ALG11: variants seen among roughly 807,000 people sequenced by gnomAD.
ALG11 encodes the protein GDP-Man:Man(3)GlcNAc(2)-PP-Dol alpha-1,2-mannosyltransferase.
Under a neutral mutation model 38.8 loss-of-function variants are expected in ALG11, and 26 were observed. That is an observed-to-expected ratio of 0.67 (90% CI 0.49 to 0.93). The LOEUF (loss-of-function observed/expected upper bound fraction) is 0.93, where lower values mean the gene tolerates loss of function less well. Ranked by LOEUF, ALG11 falls within the 40% of genes least tolerant of loss-of-function variation. ALG11 has a pLI of 0.00. For missense variants in ALG11, 535 were observed against 578.8 expected, an observed-to-expected ratio of 0.92 and a Z score of 0.78; for synonymous variants, 199 against 211.6, an observed-to-expected ratio of 0.94 and a Z score of 0.52.
At position 52,018,792 on chromosome 13, in the gene ALG11, G is replaced by A. The variant is rs192248956; in HGVS notation, c.45-121G>A. ...ACTTGAGTATTTTGTTAGCAGACTCGTTAAAGACAATTCTCTCTTTGTTAC... is the reference window on the plus strand; with the variant it reads ...ACTTGAGTATTTTGTTAGCAGACTCATTAAAGACAATTCTCTCTTTGTTAC... On this transcript the variant is annotated intron_variant, in intron 1 of 3. Transcript: ENST00000521508. The A allele has an allele frequency of 6.6e-3, 5,542 of 845,064 alleles. 21 individuals carry two copies. Among genetic ancestry groups the A allele is most frequent in the Non-Finnish European group, 7.8e-3 (4,130 of 528,554 alleles). 52.3% of individuals were successfully genotyped at this position (845,064 alleles called of 1,614,324 possible). A position where few individuals can be genotyped will look rare whatever the true frequency, so the allele number is the denominator to read the frequency against.
At position 52,018,949 on chromosome 13, in the gene ALG11, A is replaced by G. The variant is rs770202989; in HGVS notation, c.81A>G (p.Val27=). ...CATTATTCTTCCCTGGGCTCATTGTATGTGGAACTTTATGTGTGTGTTTGG... is the reference window on the plus strand; with the variant it reads ...CATTATTCTTCCCTGGGCTCATTGTGTGTGGAACTTTATGTGTGTGTTTGG... ...FYSLFFPGLI[V]CGTLCVCLVI... Residue 27 remains valine (V), a synonymous_variant, in exon 2 of 4, where the codon GTA becomes GTG. Transcript: ENST00000521508. The G allele has an allele frequency of 6.2e-7, 1 of 1,613,964 alleles. No homozygotes were observed. The highest frequency in any genetic ancestry group is 2.2e-5 in the East Asian group (1 of 44,854).
chr13:52,014,213 A>G (rs1007598282), intron 1 of ALG11, among the ~76,000 whole-genome samples: 8 of 152,236 alleles, frequency 5.3e-5, no homozygotes, highest in Middle Eastern at 3.2e-3. Context: ...GCAGAAACAG[A>G]AAGGAGGAGC....
Position 52,032,181 on chromosome 13 carries a change from C to T in ALG11, c.*3591C>T, listed in dbSNP as rs1405865697. 1 of 154,038 alleles carries T rather than the reference C, an allele frequency of 6.5e-6. No homozygotes were observed. The highest frequency in any genetic ancestry group is 1.9e-4 in the East Asian group (1 of 5,194). The allele number at this position is 154,038 out of a possible 1,614,324, so 9.5% of individuals were successfully genotyped here. On this transcript the variant is annotated 3_prime_UTR_variant, in exon 4 of 4. Transcript: ENST00000521508. ...AGGTTGCAGTGAGCCAAGATTGTGC[C>T]ACTGCACTCTAGCCTGGGCAATAAG...
rs1306042935 is a variant in ALG11 at position 52,028,759 on chromosome 13, C to T, written c.*169C>T. 1 of 1,613,574 alleles carries T rather than the reference C, an allele frequency of 6.2e-7. No individual in the cohort carries two copies. Among genetic ancestry groups the T allele is most frequent in the East Asian group, 2.2e-5 (1 of 44,872 alleles). ...GTTGAAAAGAAAATGGATGACTAGC[C>T]TTCGGCTTCCATTCTTGGTATACAT... On this transcript the variant is annotated 3_prime_UTR_variant, in exon 4 of 4. Transcript: ENST00000521508.
intron 1 of ALG11, chr13:52,017,716 C>G (rs1212922271): frequency 6.5e-6 from 1 of 153,778 alleles, no homozygotes; most frequent in Non-Finnish European, 1.4e-5. Context: ...TTTTGTTCCC[C>G]GTTTTGGGTA....
Position 52,032,594 on chromosome 13 carries a change from G to A in ALG11, c.*4004G>A, listed in dbSNP as rs1954316566. 1.2e-5 allele frequency: 2 copies of A among 167,090 alleles called. No individual in the cohort carries two copies. Among genetic ancestry groups the A allele is most frequent in the East Asian group, 3.9e-4 (2 of 5,194 alleles). The allele number at this position is 167,090 out of a possible 1,614,324, so 10.4% of individuals were successfully genotyped here. On this transcript the variant is annotated 3_prime_UTR_variant, in exon 4 of 4. Coordinates refer to ENST00000521508, the MANE Select transcript of ALG11 (RefSeq NM_001004127.3). Reference sequence around the variant, plus strand: ...CTCCTCTCAGTCATTCATCAATGTGGCCAGCTTATCTACTCCCAATTATGT... The same window carrying A: ...CTCCTCTCAGTCATTCATCAATGTGACCAGCTTATCTACTCCCAATTATGT...
At chr13:52,017,439 CA>C (rs1380004476) in intron 1 of ALG11, 3 of 152,516 alleles carry the variant, frequency 2.0e-5, no homozygotes, top group African/African-American at 7.2e-5. Context: ...ACCCAAATCT[CA>C]GTTTGAATTG....
chr13:52,018,177 C>T (rs952432109), intron 1 of ALG11, among the ~76,000 whole-genome samples: 5 of 152,214 alleles, frequency 3.3e-5, no homozygotes, highest in Admixed American at 3.3e-4. Context: ...TCGTACTTGG[C>T]ATTGGGGACA....
rs1954319043 is a variant in ALG11 at position 52,032,883 on chromosome 13, G to T, written c.*4293G>T. ...CAAAGCTGTTTCATGAAAGAATCAA[G>T]ATTATAACCTGGATATTCTGACTCC... On this transcript the variant is annotated 3_prime_UTR_variant, in exon 4 of 4. Coordinates refer to ENST00000521508, the MANE Select transcript of ALG11 (RefSeq NM_001004127.3). 1.2e-5 allele frequency: 2 copies of T among 166,974 alleles called. No homozygotes were observed. Among genetic ancestry groups the T allele is most frequent in the East Asian group, 3.8e-4 (2 of 5,196 alleles). 10.3% of individuals were successfully genotyped at this position (166,974 alleles called of 1,614,324 possible). A position where few individuals can be genotyped will look rare whatever the true frequency, so the allele number is the denominator to read the frequency against.
In ALG11 at chr13:52,029,654, A is replaced by G; in HGVS notation, c.*1064A>G. 2 of 1,614,222 alleles carry G rather than the reference A, an allele frequency of 1.2e-6. No homozygotes were observed. Among genetic ancestry groups the G allele is most frequent in the Non-Finnish European group, 1.7e-6 (2 of 1,180,040 alleles). On this transcript the variant is annotated 3_prime_UTR_variant, in exon 4 of 4. Coordinates refer to ENST00000521508, the MANE Select transcript of ALG11 (RefSeq NM_001004127.3). ...AACTGTGGCACTGGAAGAAATGGAA[A>G]AAATTGAAAATGCCAGAATGATGGA...
intron 1 of ALG11, among the ~76,000 whole-genome samples, chr13:52,012,929 GCTTATGTTGAATC>G (rs1304800489): frequency 6.6e-6 from 1 of 151,922 alleles, no homozygotes; most frequent in Non-Finnish European, 1.5e-5. Context: ...TAAATATAAA[GCTTATGTTGAATC>G]CTCTGCTTTT....
chr13:52,023,748 A>G (rs1276132120), intron 2 of ALG11: 4 of 214,386 alleles, frequency 1.9e-5, no homozygotes, highest in South Asian at 2.0e-4. Flanking sequence ...GCAGGAGTGC[A>G]GTGATGCAGT....
At position 52,030,761 on chromosome 13, in the gene ALG11, C is replaced by T; in HGVS notation, c.*2171C>T. The stretch of plus-strand genomic sequence containing the variant: ...AAGACGCCAGTTTCTCATTAAAGCC[C>T]CTGAGGGTCCTCCAAGAAAAGATAA... On this transcript the variant is annotated 3_prime_UTR_variant, in exon 4 of 4. Transcript: ENST00000521508. 1 of 1,614,214 alleles carries T rather than the reference C, an allele frequency of 6.2e-7. No homozygotes were observed. Among genetic ancestry groups the T allele is most frequent in the Middle Eastern group, 1.6e-4 (1 of 6,062 alleles).
chr13:52,018,324 T>A (rs1457928521), intron 1 of ALG11, among the ~76,000 whole-genome samples: 1 of 152,168 alleles, frequency 6.6e-6, no homozygotes, highest in Non-Finnish European at 1.5e-5. Flanking sequence ...TTTTGGCAGC[T>A]CATTCAGAGG....
intron 1 of ALG11, among the ~76,000 whole-genome samples, chr13:52,013,631 T>C (rs1466956802): frequency 6.6e-6 from 1 of 152,240 alleles, no homozygotes; most frequent in Non-Finnish European, 1.5e-5. Flanking sequence ...ACCTTTACAT[T>C]ATATGGGTCA....
rs76231456 is a variant in ALG11, at chr13:52,023,978, T to C, written c.276-28T>C. 107 of 1,608,964 alleles carry C rather than the reference T, an allele frequency of 6.7e-5. No homozygotes were observed. In the East Asian group the frequency reaches 2.3e-3, roughly 35 times the overall value. On this transcript the variant is annotated intron_variant, in intron 2 of 3. Transcript: ENST00000521508. ...TCTGGCTAATTTTTGTAACTTAATATATTCTTAACCATTACATTCTATTTT... is the reference window on the plus strand; with the variant it reads ...TCTGGCTAATTTTTGTAACTTAATACATTCTTAACCATTACATTCTATTTT...
chr13:52,025,398 C>T (rs986454758), intron 3 of ALG11, among the ~76,000 whole-genome samples: 6 of 152,180 alleles, frequency 3.9e-5, no homozygotes, highest in African/African-American at 1.4e-4. Context: ...TGGGCCCTAC[C>T]CTAATCCTAC....
In ALG11 at chr13:52,030,486, A is replaced by G; in HGVS notation, c.*1896A>G. On this transcript the variant is annotated 3_prime_UTR_variant, in exon 4 of 4. Transcript: ENST00000521508. The stretch of plus-strand genomic sequence containing the variant: ...AAGGAGCAACTGATCAACCTACAGA[A>G]CTTCCTGACCACACAGTCTCCTTCC... 1.9e-6 allele frequency: 3 copies of G among 1,614,224 alleles called. No homozygotes were observed. The highest frequency in any genetic ancestry group is 2.5e-6 in the Non-Finnish European group (3 of 1,180,034).
Position 52,028,925 on chromosome 13 carries a change from A to G in ALG11, c.*335A>G. On this transcript the variant is annotated 3_prime_UTR_variant, in exon 4 of 4. Transcript: ENST00000521508. ...TGAGGGGGACAGTGATGGAGAGAGA[A>G]AGCATCAAAAGCTTCTGGAAGCAAT... The G allele has an allele frequency of 1.2e-6, 2 of 1,614,222 alleles. No individual in the cohort carries two copies. The highest frequency in any genetic ancestry group is 1.7e-6 in the Non-Finnish European group (2 of 1,180,042).
Sources: allele counts gnomAD v4.1 joint callset (sites outside exome capture counted in the v4.1 genomes callset), GRCh38; gene constraint gnomAD v4.1.1; transcripts MANE v1.5; gene names NCBI Gene and HGNC (gene_info 2026-07-23, HGNC 2026-07-21).